The following ARSF variants were observed in gnomAD, a reference collection of about 807,000 sequenced individuals.
The protein encoded by ARSF is arylsulfatase F.
Under a neutral mutation model 35.4 loss-of-function variants are expected in ARSF, and 33 were observed. The observed-to-expected ratio is 0.93, with a 90% CI of 0.71 to 1.25. The LOEUF is 1.25. Among genes scored for constraint, ARSF ranks in the 50% most tolerant of loss-of-function variants. ARSF has a pLI of 0.00. For synonymous variants in ARSF, 222 were observed against 193.1 expected (o/e 1.15, Z -1.24); for missense variants, 501 against 480.2 (o/e 1.04, Z -0.40).
At chrX:3,070,491 G>A (rs1270202240) in intron 2 of ARSF, among the ~76,000 whole-genome samples, 1 of 111,018 alleles carries the variant, frequency 9.0e-6, no homozygotes, top group African/African-American at 3.3e-5. Context: ...GTTAACCTCA[G>A]GAGTCTTATC....
At chrX:3,091,316 G>A (rs2090288083) in intron 7 of ARSF, among the ~76,000 whole-genome samples, 1 of 112,377 alleles carries the variant, frequency 8.9e-6, no homozygotes, top group Non-Finnish European at 1.9e-5. Context: ...CTTAGTTGGG[G>A]ATTGGGAATT....
rs188062068 is a variant in ARSF, at chrX:3,084,621, G to T, written c.785G>T (p.Arg262Leu). Reference protein sequence around the residue: ...EITEQPMKAERAGSIMVKEAI... With the variant: ...EITEQPMKAELAGSIMVKEAI... ...ACGGAGCAGCCCATGAAGGCTGAAC[G>T]AGCTGGATCCATTATGGTGAAGGAA... Residue 262 changes from arginine to leucine, a missense_variant, in exon 6 of 11, where the codon CGA (arginine) becomes CTA (leucine). Coordinates refer to ENST00000381127, the MANE Select transcript of ARSF (RefSeq NM_001201539.2). The T allele has an allele frequency of 1.7e-6, 2 of 1,192,940 alleles. No individual in the cohort carries two copies. The highest frequency in any genetic ancestry group is 2.3e-6 in the Non-Finnish European group (2 of 884,943).
At chrX:3,077,653 GCAA>G (rs1416102888) in intron 4 of ARSF, among the ~76,000 whole-genome samples, 2 of 108,438 alleles carry the variant, frequency 1.8e-5, no homozygotes, top group Non-Finnish European at 3.8e-5. Context: ...CAAACAAACA[GCAA>G]CAACAACCAA....
chrX:3,042,357 A>G lies in ARSF; in HGVS notation c.-29+694A>G, dbSNP rs1555915951. 7.1e-5 allele frequency among the ~76,000 whole-genome samples: 8 copies of G among 112,226 alleles called. No homozygotes were observed. The South Asian group carries it at 2.9e-3, about 41-fold the overall frequency. On this transcript the variant is annotated intron_variant, in intron 1 of 10. Coordinates refer to ENST00000381127, the MANE Select transcript of ARSF (RefSeq NM_001201539.2). ...AAACAAATGCCTGTAAATAAATATA[A>G]TTTAGAATCTAAAGTTAAATAATAG...
chrX:3,063,794 C>T (rs144180467), intron 1 of ARSF, among the ~76,000 whole-genome samples: 12 of 111,305 alleles, frequency 1.1e-4, no homozygotes, highest in South Asian at 7.6e-4. Flanking sequence ...CACTGCTCAA[C>T]GAAATAAAAT....
Position 3,110,222 on chromosome X carries a change from C to A in ARSF, c.1360C>A (p.His454Asn). Residue 454 changes from histidine (H) to asparagine (N), a missense_variant, in exon 10 of 11, where the codon CAC (histidine) becomes AAC (asparagine). His to Asn is a moderately conservative substitution (Grantham distance 68). Coordinates refer to ENST00000381127, the MANE Select transcript of ARSF (RefSeq NM_001201539.2). ...TTTCCACTACTGTGGCTCCTACCTG[C>A]ACGCCGTGCGGTGGATCCCCAAGGA... ...FLFHYCGSYLHAVRWIPKDDS... is the reference protein window; with the variant it reads ...FLFHYCGSYLNAVRWIPKDDS... 1 of 1,196,121 alleles carries A rather than the reference C, an allele frequency of 8.4e-7. No individual in the cohort carries two copies. The highest frequency in any genetic ancestry group is 1.1e-6 in the Non-Finnish European group (1 of 887,147).
At chrX:3,094,690 T>G (rs973115455) in intron 7 of ARSF, among the ~76,000 whole-genome samples, 8 of 110,982 alleles carry the variant, frequency 7.2e-5, no homozygotes, top group Non-Finnish European at 1.3e-4. Flanking sequence ...CAGACAGTTG[T>G]GAGTGGTGGA....
rs1279083889 is a variant in ARSF at position 3,088,728 on chromosome X, T to G, written c.831-768T>G. Among the ~76,000 whole-genome samples, 4 of 110,997 alleles carry G rather than the reference T, an allele frequency of 3.6e-5. No individual in the cohort carries two copies. In the East Asian group the frequency reaches 1.1e-3, roughly 31 times the overall value. On this transcript the variant is annotated intron_variant, in intron 6 of 10. Transcript: ENST00000381127. ...GGAGCCCATCATCATATCTGGCTAA[T>G]TTTTGTATTTTTAGTAGAGATAAGA...
intron 3 of ARSF, among the ~76,000 whole-genome samples, chrX:3,073,193 AAG>A (rs1354850640): frequency 3.1e-5 from 3 of 97,357 alleles, no homozygotes; most frequent in East Asian, 6.2e-4. Context: ...TAATATATAA[AAG>A]TATATATTAT....
intron 1 of ARSF, among the ~76,000 whole-genome samples, chrX:3,044,580 G>A (rs144602412): frequency 0.02 from 2,229 of 110,229 alleles, 28 homozygotes; most frequent in Middle Eastern, 0.06. Flanking sequence ...GAAAGGGGAT[G>A]GTGTGTGAAG....
chrX:3,058,832 A>G (rs151166557), intron 1 of ARSF, among the ~76,000 whole-genome samples: 8,109 of 111,404 alleles, frequency 0.073, 411 homozygotes, highest in African/African-American at 0.18. Context: ...GTGCACTCCA[A>G]CTTGGGTGAC....
At chrX:3,069,686 ATTTT>A (rs2090089337) in intron 2 of ARSF, among the ~76,000 whole-genome samples, 1 of 107,675 alleles carries the variant, frequency 9.3e-6, no homozygotes, top group South Asian at 3.9e-4. Flanking sequence ...ATTTTTATTT[ATTTT>A]TTCTTTCTTT....
chrX:3,060,446 G>A (rs1238771558), intron 1 of ARSF, among the ~76,000 whole-genome samples: 1 of 112,029 alleles, frequency 8.9e-6, no homozygotes, highest in East Asian at 2.8e-4. Context: ...ACGGAAGAAA[G>A]CTGGATGGAG....
intron 1 of ARSF, among the ~76,000 whole-genome samples, chrX:3,050,159 G>T (rs1389463751): frequency 8.9e-6 from 1 of 112,025 alleles, no homozygotes; most frequent in Admixed American, 9.6e-5. Context: ...ATGATCAAAG[G>T]TTGGGTGGGC....
intron 7 of ARSF, among the ~76,000 whole-genome samples, chrX:3,096,015 T>C (rs1266699634): frequency 9.2e-6 from 1 of 108,367 alleles, no homozygotes; most frequent in Non-Finnish European, 1.9e-5. Context: ...ACATGTTATG[T>C]AGTATATGTG....
chrX:3,068,907 C>A (rs73439680), intron 2 of ARSF, among the ~76,000 whole-genome samples: 3,223 of 112,313 alleles, frequency 0.029, 38 homozygotes, highest in Middle Eastern at 0.069. Context: ...AAAAATTGTA[C>A]TCTTCTGTGG....
chrX:3,096,462 T>C (rs1321332845), intron 7 of ARSF, among the ~76,000 whole-genome samples: 1 of 111,491 alleles, frequency 9.0e-6, no homozygotes. Context: ...TAGCTCTGAT[T>C]AGAGCATTAA....
At chrX:3,109,055 C>A (rs942709607) in intron 9 of ARSF, among the ~76,000 whole-genome samples, 5 of 111,290 alleles carry the variant, frequency 4.5e-5, no homozygotes, top group African/African-American at 6.5e-5. Context: ...CGCGGTGGCT[C>A]ACGCTTATAA....
chrX:3,084,884 G>T (rs1311043319), intron 6 of ARSF, among the ~76,000 whole-genome samples: 2 of 111,593 alleles, frequency 1.8e-5, no homozygotes, highest in Non-Finnish European at 3.8e-5. Context: ...TAAATCATTT[G>T]TAATAATTCT....
Sources: allele counts gnomAD v4.1 joint callset (sites outside exome capture counted in the v4.1 genomes callset), GRCh38; gene constraint gnomAD v4.1.1; transcripts MANE v1.5; gene names NCBI Gene and HGNC (gene_info 2026-07-23, HGNC 2026-07-21).